UGT1A4: variants seen among roughly 807,000 people sequenced by gnomAD.
UGT1A4 encodes the protein UDP glucuronosyltransferase family 1 member A4, also known as UDP-glucuronosyltransferase 1A4.
UGT1A4 carries 32 observed loss-of-function variants against 41.1 expected under a neutral mutation model. The observed-to-expected ratio is 0.78, with a 90% CI of 0.59 to 1.05. The LOEUF (loss-of-function observed/expected upper bound fraction) is 1.05, where lower values mean the gene tolerates loss of function less well. Among genes scored for constraint, UGT1A4 ranks in the 50% least tolerant of loss-of-function variants. The probability of loss-of-function intolerance (pLI) is 0.00; values close to 1 mark genes in which losing one functional copy is unlikely to be tolerated. For synonymous variants in UGT1A4, 283 were observed against 265.1 expected (o/e 1.07, Z -0.66); for missense variants, 748 against 677.4 (o/e 1.10, Z -1.16).
At chr2:233,748,096 T>A in intron 1 of UGT1A4, 1 of 1,612,812 alleles carries the variant, frequency 6.2e-7, no homozygotes, top group Non-Finnish European at 8.5e-7. Flanking sequence ...GTTCGTGCCT[T>A]CATCCAATCA....
At chr2:233,743,457 A>C in intron 1 of UGT1A4, 1 of 1,366,076 alleles carries the variant, frequency 7.3e-7, no homozygotes. Context: ...AAGAAGAAAA[A>C]ACACCCCCAA....
chr2:233,762,256 A>G lies in UGT1A4; in HGVS notation c.868-4778A>G, dbSNP rs529163977. Among the ~76,000 whole-genome samples, 14 of 152,334 alleles carry G rather than the reference A, an allele frequency of 9.2e-5. No homozygotes were observed. In the South Asian group the frequency reaches 1.5e-3, roughly 16 times the overall value. On this transcript the variant is annotated intron_variant, in intron 1 of 4. Coordinates refer to ENST00000373409, the MANE Select transcript of UGT1A4 (RefSeq NM_007120.3). ...AAGGCACAGAATAGGCACCCACCGA[A>G]TATGTGTTACATTAATGAATGAGAA...
intron 1 of UGT1A4, among the ~76,000 whole-genome samples, chr2:233,748,306 G>A (rs1220013639): frequency 1.3e-5 from 2 of 151,694 alleles, no homozygotes; most frequent in Non-Finnish European, 2.9e-5. Context: ...TTTATCAAAG[G>A]ATGGACTAGG....
At chr2:233,737,020 G>A (rs2078835336) in intron 1 of UGT1A4, among the ~76,000 whole-genome samples, 1 of 152,228 alleles carries the variant, frequency 6.6e-6, no homozygotes, top group African/African-American at 2.4e-5. Context: ...GAGGCAGTCT[G>A]TCCATTCTCA....
intron 4 of UGT1A4, chr2:233,771,400 G>A (rs1195716316): frequency 6.6e-6 from 1 of 152,152 alleles, no homozygotes; most frequent in Non-Finnish European, 1.5e-5. Flanking sequence ...ATTGGGCAAT[G>A]AACACTGTCC....
chr2:233,771,102 C>T (rs1210654201), intron 4 of UGT1A4: 9 of 152,162 alleles, frequency 5.9e-5, no homozygotes, highest in Non-Finnish European at 1.3e-4. Context: ...AGGAAGACAG[C>T]ACTAAAGCAC....
chr2:233,767,252 T>C (rs959458816), intron 2 of UGT1A4, 87 bp downstream of exon 2: 5 of 1,599,856 alleles, frequency 3.1e-6, no homozygotes, highest in East Asian at 2.2e-5. Context: ...ATTCTCTTAA[T>C]TGGAACCTTA....
In UGT1A4 at chr2:233,772,754, T is replaced by G; in HGVS notation, c.*195T>G. ...GCTAGTCAGTAAAGATATTTGAATA[T>G]GTATCGTGCCCCCTCTGGTGTCTTT... On this transcript the variant is annotated 3_prime_UTR_variant, in exon 5 of 5. Transcript: ENST00000373409. 1 of 1,409,478 alleles carries G rather than the reference T, an allele frequency of 7.1e-7. No homozygotes were observed. Among genetic ancestry groups the G allele is most frequent in the South Asian group, 1.5e-5 (1 of 66,636 alleles). 87.3% of individuals were successfully genotyped at this position (1,409,478 alleles called of 1,614,324 possible). A position where few individuals can be genotyped will look rare whatever the true frequency, so the allele number is the denominator to read the frequency against.
chr2:233,724,171 CA>C (rs2077183449), intron 1 of UGT1A4, among the ~76,000 whole-genome samples: 1 of 91,442 alleles, frequency 1.1e-5, no homozygotes, highest in Non-Finnish European at 2.4e-5. Context: ...CTGACCCCCC[CA>C]TCTCCCTCCC....
intron 1 of UGT1A4, chr2:233,729,158 G>C (rs771653845): frequency 4.5e-5 from 73 of 1,613,350 alleles, no homozygotes; most frequent in Middle Eastern, 1.8e-4. Flanking sequence ...CCCCTGCCGT[G>C]GCTGGCCACA....
At chr2:233,762,433 T>C (rs1249713494) in intron 1 of UGT1A4, among the ~76,000 whole-genome samples, 1 of 152,232 alleles carries the variant, frequency 6.6e-6, no homozygotes, top group African/African-American at 2.4e-5. Context: ...AGAGTAACAG[T>C]GTATTCCCAC....
chr2:233,751,170 A>T (rs1445268336), intron 1 of UGT1A4, among the ~76,000 whole-genome samples: 1 of 151,986 alleles, frequency 6.6e-6, no homozygotes. Flanking sequence ...CATGACCTAG[A>T]TATGAGACAT....
Position 233,772,859 on chromosome 2 carries a change from T to C in UGT1A4, c.*300T>C. 1.4e-6 allele frequency: 1 copy of C among 698,172 alleles called. No homozygotes were observed. Among genetic ancestry groups the C allele is most frequent in the Non-Finnish European group, 2.1e-6 (1 of 477,226 alleles). The allele number at this position is 698,172 out of a possible 1,614,324, so 43.2% of individuals were successfully genotyped here. On this transcript the variant is annotated 3_prime_UTR_variant, in exon 5 of 5. Transcript: ENST00000373409. ...AGATTACTTTTCTTACTCTGAAACA[T>C]GGCCTGTTTGGGAGTGCGGGATTCA...
rs1342292441 is a variant in UGT1A4, at chr2:233,772,794, G to A, written c.*235G>A. 35 of 1,212,802 alleles carry A rather than the reference G, an allele frequency of 2.9e-5. No individual in the cohort carries two copies. Among genetic ancestry groups the A allele is most frequent in the African/African-American group, 6.1e-5 (4 of 65,186 alleles). The allele number at this position is 1,212,802 out of a possible 1,614,324, so 75.1% of individuals were successfully genotyped here. On this transcript the variant is annotated 3_prime_UTR_variant, in exon 5 of 5. Transcript: ENST00000373409. ...CTGGTGTCTTTGATCAGGATGACAT[G>A]TGCCATTTTTCAGAGGACGTGCAGA...
intron 1 of UGT1A4, among the ~76,000 whole-genome samples, chr2:233,727,971 C>G (rs1256650182): frequency 6.6e-6 from 1 of 152,196 alleles, no homozygotes; most frequent in Non-Finnish European, 1.5e-5. Context: ...CTGAGGTGAC[C>G]AGGACAAGGT....
chr2:233,722,391 C>T (rs1160586490), intron 1 of UGT1A4, among the ~76,000 whole-genome samples: 1 of 152,204 alleles, frequency 6.6e-6, no homozygotes, highest in African/African-American at 2.4e-5. Flanking sequence ...TCTTCTCCCT[C>T]TCTTTCTCCT....
chr2:233,754,185 C>T (rs1296616460), intron 1 of UGT1A4: 1 of 159,682 alleles, frequency 6.3e-6, no homozygotes, highest in Non-Finnish European at 1.4e-5. Flanking sequence ...GATTTCACCA[C>T]CACACAGTAA....
intron 1 of UGT1A4, among the ~76,000 whole-genome samples, chr2:233,763,291 T>C (rs1222576175): frequency 6.6e-6 from 1 of 152,232 alleles, no homozygotes; most frequent in Non-Finnish European, 1.5e-5. Context: ...AAATTCCACT[T>C]TTTGGATATT....
chr2:233,758,136 T>C (rs1239060049), intron 1 of UGT1A4, among the ~76,000 whole-genome samples: 2 of 152,212 alleles, frequency 1.3e-5, no homozygotes, highest in Non-Finnish European at 2.9e-5. Context: ...ATTTGGCAGA[T>C]GAGGGAATTA....
Sources: gnomAD v4.1 joint callset for allele counts (sites outside exome capture counted in the v4.1 genomes callset) on GRCh38, gnomAD v4.1.1 for gene constraint, MANE v1.5 for transcripts, NCBI Gene and HGNC (gene_info 2026-07-23, HGNC 2026-07-21) for gene names.